USH2A: variants seen among roughly 807,000 people sequenced by gnomAD.
USH2A encodes the protein usherin, also known as Usher syndrome 2A (autosomal recessive, mild).
Under a neutral mutation model 538.9 loss-of-function variants are expected in USH2A, and 443 were observed. That is an observed-to-expected ratio of 0.82 (90% CI 0.76 to 0.89). USH2A has a LOEUF of 0.89. Among genes scored for constraint, USH2A ranks in the 40% least tolerant of loss-of-function variants. The pLI is 0.00. For synonymous variants in USH2A, 2,413 were observed against 2,273.5 expected (o/e 1.06, Z -1.75); for missense variants, 6,633 against 6,324.8 (o/e 1.05, Z -1.65).
At chr1:216,341,534 C>G (rs2038076197) in intron 4 of USH2A, among the ~76,000 whole-genome samples, 1 of 152,044 alleles carries the variant, frequency 6.6e-6, no homozygotes, top group African/African-American at 2.4e-5. Flanking sequence ...GTCCATATAG[C>G]CAAGACAATC....
chr1:216,364,015 T>C (rs1044726723), intron 4 of USH2A, among the ~76,000 whole-genome samples: 1 of 151,066 alleles, frequency 6.6e-6, no homozygotes, highest in East Asian at 1.9e-4. Flanking sequence ...TTCCATATTG[T>C]TTAGATTTTT....
chr1:216,077,593 G>C (rs1025653911), intron 27 of USH2A, among the ~76,000 whole-genome samples: 2 of 148,350 alleles, frequency 1.3e-5, no homozygotes, highest in African/African-American at 2.5e-5. Flanking sequence ...ATATAATTAT[G>C]TATGTACACA....
chr1:216,287,713 T>G lies in USH2A; in HGVS notation c.1971+1567A>C, dbSNP rs538862459. The stretch of plus-strand genomic sequence containing the variant: ...TCTGATGCACTGTAACTCGTGTAGG[T>G]TAGACACGTAACTGAGATTCTGGGA... On this transcript the variant is annotated intron_variant, in intron 11 of 71. Coordinates refer to ENST00000307340, the MANE Select transcript of USH2A (RefSeq NM_206933.4). Among the ~76,000 whole-genome samples, 13 of 152,196 alleles carry G rather than the reference T, an allele frequency of 8.5e-5. No homozygotes were observed. The South Asian group carries it at 2.7e-3, about 32-fold the overall frequency.
Position 216,175,232 on chromosome 1 carries a change from G to T in USH2A, c.4627+20C>A. 6.2e-7 allele frequency: 1 copy of T among 1,613,384 alleles called. No homozygotes were observed. Among genetic ancestry groups the T allele is most frequent in the Non-Finnish European group, 8.5e-7 (1 of 1,179,644 alleles). ...TGGAGCTTCGTGTCTCCTAAATAAA[G>T]CAATGTCAAACACACTTACCAGTGA... is the stretch of plus-strand genomic sequence containing the variant. On this transcript the variant is annotated intron_variant, in intron 21 of 71. Transcript: ENST00000307340.
intron 64 of USH2A, among the ~76,000 whole-genome samples, chr1:215,661,569 T>G (rs1464226206): frequency 6.6e-6 from 1 of 152,186 alleles, no homozygotes; most frequent in African/African-American, 2.4e-5. Flanking sequence ...TGCCATATGT[T>G]TCCTGCTGAG....
intron 38 of USH2A, among the ~76,000 whole-genome samples, chr1:215,921,563 T>C (rs940309382): frequency 2.0e-5 from 3 of 152,074 alleles, no homozygotes; most frequent in Non-Finnish European, 2.9e-5. Flanking sequence ...CAGATCTGCA[T>C]TGATTAGTGG....
chr1:216,250,676 C>T (rs115194465), intron 12 of USH2A, among the ~76,000 whole-genome samples: 1 of 152,234 alleles, frequency 6.6e-6, no homozygotes, highest in African/African-American at 2.4e-5. Flanking sequence ...AATGCATCTA[C>T]AGAATAAAGA....
intron 38 of USH2A, among the ~76,000 whole-genome samples, chr1:215,931,996 T>G (rs975131555): frequency 2.0e-5 from 3 of 151,996 alleles, no homozygotes; most frequent in African/African-American, 7.2e-5. Flanking sequence ...TTCCAGGTCA[T>G]ATTTGATAGC....
chr1:216,155,275 A>G (rs1367059269), intron 21 of USH2A, among the ~76,000 whole-genome samples: 3 of 152,152 alleles, frequency 2.0e-5, no homozygotes, highest in East Asian at 3.9e-4. Context: ...CCACAAGAAT[A>G]GGATTACGGG....
At chr1:215,628,635 T>A (rs1656144470) in intron 71 of USH2A, among the ~76,000 whole-genome samples, 179 bp downstream of exon 71, 1 of 152,188 alleles carries the variant, frequency 6.6e-6, no homozygotes, top group South Asian at 2.1e-4. Flanking sequence ...CAAGACAAAG[T>A]TTCTACCCTG....
chr1:215,952,415 T>G lies in USH2A; in HGVS notation c.7120+12902A>C, dbSNP rs144555126. On this transcript the variant is annotated intron_variant, in intron 37 of 71. Coordinates refer to ENST00000307340, the MANE Select transcript of USH2A (RefSeq NM_206933.4). ...ATATTGCTATGTGTGAATGTGATCC[T>G]GTCATTATGATGTTAGCTGGTTATT... Among the ~76,000 whole-genome samples, 268 of 152,312 alleles carry G rather than the reference T, an allele frequency of 1.8e-3. 5 individuals carry two copies. In the East Asian group the frequency reaches 0.048, roughly 27 times the overall value.
intron 32 of USH2A, among the ~76,000 whole-genome samples, chr1:216,008,427 G>A (rs1482881113): frequency 1.5e-4 from 22 of 150,042 alleles, no homozygotes; most frequent in East Asian, 4.0e-4. Flanking sequence ...CCTATAAAAC[G>A]GCCCCACCCC....
chr1:215,863,668 G>A (rs1043864177), intron 44 of USH2A, among the ~76,000 whole-genome samples: 1 of 151,668 alleles, frequency 6.6e-6, no homozygotes. Context: ...AGAGAGAGAG[G>A]GTAGAAGAAG....
intron 13 of USH2A, among the ~76,000 whole-genome samples, chr1:216,242,010 G>A (rs1404118688): frequency 6.6e-6 from 1 of 152,008 alleles, no homozygotes. Flanking sequence ...ATTTACTTGT[G>A]CAAATGTCTT....
chr1:215,879,304 G>A (rs953414210), intron 41 of USH2A, among the ~76,000 whole-genome samples: 64 of 152,146 alleles, frequency 4.2e-4, no homozygotes, highest in African/African-American at 1.4e-3. Flanking sequence ...CTGTTTCCTG[G>A]GTTTGGCTTT....
At chr1:216,251,492 C>T (rs1007895428) in intron 11 of USH2A, among the ~76,000 whole-genome samples, 6 of 131,024 alleles carry the variant, frequency 4.6e-5, no homozygotes, top group Admixed American at 3.5e-4. Context: ...GCTCTGTCAC[C>T]CAGGCTGGAG....
intron 67 of USH2A, among the ~76,000 whole-genome samples, chr1:215,643,691 A>G (rs1168481580): frequency 6.6e-6 from 1 of 151,894 alleles, no homozygotes; most frequent in Non-Finnish European, 1.5e-5. Flanking sequence ...ATACCTGGCT[A>G]TTTAAAAAAA....
chr1:216,047,904 T>A (rs1465277989), intron 31 of USH2A, among the ~76,000 whole-genome samples: 1 of 152,202 alleles, frequency 6.6e-6, no homozygotes, highest in Non-Finnish European at 1.5e-5. Context: ...AGCTTTCACT[T>A]TGGCGTGCTA....
intron 31 of USH2A, among the ~76,000 whole-genome samples, chr1:216,047,111 T>TG (rs1169116404): frequency 2.6e-5 from 4 of 152,172 alleles, no homozygotes; most frequent in South Asian, 2.1e-4. Flanking sequence ...GTCAATGAAT[T>TG]GGGGGGTCCT....
Sources: gnomAD v4.1 joint callset for allele counts (sites outside exome capture counted in the v4.1 genomes callset) on GRCh38, gnomAD v4.1.1 for gene constraint, MANE v1.5 for transcripts, NCBI Gene and HGNC (gene_info 2026-07-23, HGNC 2026-07-21) for gene names.